ERGIC2: variants seen among roughly 807,000 people sequenced by gnomAD.
The protein encoded by ERGIC2 is ERGIC and golgi 2.
Under a neutral mutation model 52.5 loss-of-function variants are expected in ERGIC2, and 31 were observed. The ratio of observed to expected loss-of-function variants is 0.59; its 90% CI spans 0.44 to 0.80. The LOEUF (loss-of-function observed/expected upper bound fraction) is 0.80, where lower values mean the gene tolerates loss of function less well. Ranked by LOEUF, ERGIC2 falls within the 30% of genes least tolerant of loss-of-function variation. ERGIC2 has a pLI of 0.00. For missense variants in ERGIC2, 395 were observed against 455.2 expected (o/e 0.87, Z 1.20); for synonymous variants, 129 against 140.6 (o/e 0.92, Z 0.58).
At chr12:29,343,966 T>A (rs907437364) in intron 11 of ERGIC2, among the ~76,000 whole-genome samples, 2 of 152,192 alleles carry the variant, frequency 1.3e-5, no homozygotes, top group Non-Finnish European at 2.9e-5. Context: ...CATTCTTTTT[T>A]AAGTTAAAAA....
chr12:29,340,320 C>CT lies in ERGIC2; in HGVS notation c.*835dup, dbSNP rs1255489850. The CT allele has an allele frequency of 6.6e-6, 1 of 152,092 alleles. No homozygotes were observed. The highest frequency in any genetic ancestry group is 2.4e-5 in the African/African-American group (1 of 41,418). The allele number at this position is 152,092 out of a possible 1,614,324, so 9.4% of individuals were successfully genotyped here. A position where few individuals can be genotyped will look rare whatever the true frequency, so the allele number is the denominator to read the frequency against. On this transcript the variant is annotated 3_prime_UTR_variant, in exon 14 of 14. Coordinates refer to ENST00000360150, the MANE Select transcript of ERGIC2 (RefSeq NM_016570.3). ...GTAATTTTCACTATCAGTAGCGGATCTTTTTATAACTCACCCTATGTTGCC... is the reference window on the plus strand; with the variant it reads ...GTAATTTTCACTATCAGTAGCGGATCTTTTTTATAACTCACCCTATGTTGCC...
At chr12:29,357,262 G>A (rs370916042) in intron 7 of ERGIC2, among the ~76,000 whole-genome samples, 13 of 152,028 alleles carry the variant, frequency 8.6e-5, no homozygotes, top group Admixed American at 3.9e-4. Context: ...GAGCCACTGC[G>A]CCCAGCCTCT....
intron 9 of ERGIC2, 31 bp from the exon 10 acceptor site, chr12:29,349,208 A>C: frequency 9.2e-7 from 1 of 1,089,846 alleles, no homozygotes; most frequent in Non-Finnish European, 1.3e-6. Context: ...ACAACTTAGC[A>C]GAGAAATTAT....
intron 5 of ERGIC2, among the ~76,000 whole-genome samples, chr12:29,364,441 T>C (rs1194415470): frequency 6.6e-6 from 1 of 152,072 alleles, no homozygotes; most frequent in Admixed American, 6.6e-5. Context: ...TCTTTCACCA[T>C]ATACAAAAAT....
chr12:29,360,934 C>A (rs1052078156), intron 6 of ERGIC2, among the ~76,000 whole-genome samples: 1 of 152,056 alleles, frequency 6.6e-6, no homozygotes, highest in Non-Finnish European at 1.5e-5. Context: ...AAAAAAATCT[C>A]ATAACTTTTT....
chr12:29,365,000 T>C (rs946444604), intron 5 of ERGIC2, among the ~76,000 whole-genome samples: 6 of 151,750 alleles, frequency 4.0e-5, no homozygotes, highest in Non-Finnish European at 5.9e-5. Context: ...GGAACACTTA[T>C]ATGCTGCTGG....
chr12:29,366,148 A>T (rs1480950810), intron 5 of ERGIC2, among the ~76,000 whole-genome samples: 4 of 151,926 alleles, frequency 2.6e-5, no homozygotes. Flanking sequence ...GGAACTCAAG[A>T]ACGCATGCGT....
rs947363529 is a variant in ERGIC2 at position 29,338,694 on chromosome 12, C to T, written c.*2462G>A. 2.0e-5 allele frequency: 3 copies of T among 151,772 alleles called. No homozygotes were observed. The highest frequency in any genetic ancestry group is 7.3e-5 in the African/African-American group (3 of 41,278). The allele number at this position is 151,772 out of a possible 1,614,324, so 9.4% of individuals were successfully genotyped here. ...TTTGCAATACTAAGTTAAGCTTTTC[C>T]TAAGAGGTAGTCTGAAGTGTACAAA... On this transcript the variant is annotated 3_prime_UTR_variant, in exon 14 of 14. Coordinates refer to ENST00000360150, the MANE Select transcript of ERGIC2 (RefSeq NM_016570.3).
intron 1 of ERGIC2, among the ~76,000 whole-genome samples, chr12:29,375,706 C>T (rs1319924066): frequency 6.6e-6 from 1 of 152,066 alleles, no homozygotes; most frequent in Non-Finnish European, 1.5e-5. Flanking sequence ...TACATACAAC[C>T]TATTCAACAC....
chr12:29,380,432 A>C (rs561629766), intron 1 of ERGIC2: 2 of 152,238 alleles, frequency 1.3e-5, no homozygotes, highest in East Asian at 3.9e-4. Flanking sequence ...GCACTAAAAT[A>C]TAAAAGTTAT....
intron 3 of ERGIC2, among the ~76,000 whole-genome samples, chr12:29,368,686 T>C (rs1438565916): frequency 6.6e-6 from 1 of 151,936 alleles, no homozygotes; most frequent in East Asian, 1.9e-4. Context: ...AAACACCATA[T>C]ATTAAGCATG....
At position 29,337,740 on chromosome 12, in the gene ERGIC2, A is replaced by G. The variant is rs1949807126; in HGVS notation, c.*3416T>C. The G allele has an allele frequency of 6.6e-6, 1 of 152,216 alleles. No homozygotes were observed. Among genetic ancestry groups the G allele is most frequent in the Non-Finnish European group, 1.5e-5 (1 of 68,026 alleles). The allele number at this position is 152,216 out of a possible 1,614,324, so 9.4% of individuals were successfully genotyped here. ...AAAGCTCAGGTTTAAGTAACTTTTA[A>G]ACAATCAAAAATAGGCATTTTGAAT... On this transcript the variant is annotated 3_prime_UTR_variant, in exon 14 of 14. Coordinates refer to ENST00000360150, the MANE Select transcript of ERGIC2 (RefSeq NM_016570.3).
chr12:29,377,700 A>G (rs1192236956), intron 1 of ERGIC2, among the ~76,000 whole-genome samples: 2 of 152,188 alleles, frequency 1.3e-5, no homozygotes, highest in East Asian at 3.8e-4. Context: ...ACTCCCTTTC[A>G]GGTTGGAACA....
At chr12:29,351,898 T>C (rs1368658483) in intron 8 of ERGIC2, among the ~76,000 whole-genome samples, 1 of 152,218 alleles carries the variant, frequency 6.6e-6, no homozygotes, top group East Asian at 1.9e-4. Context: ...TTGTGATGAA[T>C]GCTCAATCTG....
At chr12:29,364,856 C>A (rs1323238834) in intron 5 of ERGIC2, among the ~76,000 whole-genome samples, 1 of 151,698 alleles carries the variant, frequency 6.6e-6, no homozygotes, top group Admixed American at 6.6e-5. Context: ...AAGAAATGCT[C>A]CATATCAGTA....
At chr12:29,372,999 TAAGAA>T (rs1271113789) in intron 1 of ERGIC2, 4 of 150,782 alleles carry the variant, frequency 2.7e-5, no homozygotes, top group African/African-American at 9.8e-5. Context: ...ATTAATGACA[TAAGAA>T]AATAGTCATG....
chr12:29,356,325 C>T (rs1940204108), intron 8 of ERGIC2, 57 bp downstream of exon 8: 7 of 1,103,980 alleles, frequency 6.3e-6, no homozygotes, highest in Non-Finnish European at 9.7e-6. Flanking sequence ...CCAGAATTTA[C>T]TTTTAACCAA....
At chr12:29,370,266 A>G (rs752355106) in intron 2 of ERGIC2, 44 bp from the exon 3 acceptor site, 10 of 1,498,426 alleles carry the variant, frequency 6.7e-6, no homozygotes, top group African/African-American at 1.5e-5. Flanking sequence ...TAAAACAATA[A>G]AAAAAGCAAA....
chr12:29,337,421 C>G lies in ERGIC2; in HGVS notation c.*3735G>C, dbSNP rs1189046083. The G allele has an allele frequency of 1.3e-5, 2 of 150,430 alleles. No homozygotes were observed. The highest frequency in any genetic ancestry group is 3.9e-4 in the East Asian group (2 of 5,162). The allele number at this position is 150,430 out of a possible 1,614,324, so 9.3% of individuals were successfully genotyped here. On this transcript the variant is annotated 3_prime_UTR_variant, in exon 14 of 14. Transcript: ENST00000360150. ...ATACTAAATATTTTGTTTTTTCTCT[C>G]AAGACAAAAAAAAAATCCAAGGCAG...
Sources: gnomAD v4.1 joint callset for allele counts (sites outside exome capture counted in the v4.1 genomes callset) on GRCh38, gnomAD v4.1.1 for gene constraint, MANE v1.5 for transcripts, NCBI Gene and HGNC (gene_info 2026-07-23, HGNC 2026-07-21) for gene names.